The following SH3TC2 variants were observed in gnomAD, a reference collection of about 807,000 sequenced individuals.
The protein encoded by SH3TC2 is SH3 domain and tetratricopeptide repeat-containing protein 2.
In SH3TC2, 87 loss-of-function variants were observed where a neutral mutation model predicts 124.5. That is an observed-to-expected ratio of 0.70 (90% CI 0.59 to 0.84). The LOEUF is 0.84. SH3TC2 is among the 40% of genes least tolerant of loss of function. The pLI is 0.00. For missense variants in SH3TC2, 1,536 were observed against 1,566.4 expected, an observed-to-expected ratio of 0.98 and a Z score of 0.33; for synonymous variants, 634 against 628.5, an observed-to-expected ratio of 1.01 and a Z score of -0.13.
intron 12 of SH3TC2, among the ~76,000 whole-genome samples, chr5:149,020,740 A>G (rs1753954686): frequency 6.6e-6 from 1 of 152,174 alleles, no homozygotes. Context: ...AATAGACTCA[A>G]TCCATCAGAA....
Position 149,007,321 on chromosome 5 carries a change from T to C in SH3TC2, c.3479-244A>G, listed in dbSNP as rs1277902038. 5 of 621,080 alleles carry C rather than the reference T, an allele frequency of 8.1e-6. No individual in the cohort carries two copies. The African/African-American group carries it at 9.2e-5, about 11-fold the overall frequency. The allele number at this position is 621,080 out of a possible 1,614,324, so 38.5% of individuals were successfully genotyped here. On this transcript the variant is annotated intron_variant, in intron 15 of 16. Transcript: ENST00000515425. ...ATGTCATAAATGCTACAAAAGAAAA[T>C]GCAGGGCTCTATAAGAGTGACTAAG... is the stretch of plus-strand genomic sequence containing the variant.
intron 1 of SH3TC2, chr5:149,057,701 T>C (rs1225124155): frequency 6.6e-6 from 1 of 152,220 alleles, no homozygotes; most frequent in Non-Finnish European, 1.5e-5. Flanking sequence ...GCATTTGTTT[T>C]CTAACACTGA....
At position 148,985,594 on chromosome 5, in the gene SH3TC2, G is replaced by C. The variant is rs1207089958; in HGVS notation, c.*19117C>G. 1.3e-5 allele frequency among the ~76,000 whole-genome samples: 2 copies of C among 152,100 alleles called. No individual in the cohort carries two copies. The highest frequency in any genetic ancestry group is 2.9e-5 in the Non-Finnish European group (2 of 67,994). ...CCACTGTATGAATACACCATAGTTT[G>C]TTTATCCATTTCCCAGTTTGAAGAC... On this transcript the variant is annotated 3_prime_UTR_variant, in exon 17 of 17. Coordinates refer to ENST00000515425, the MANE Select transcript of SH3TC2 (RefSeq NM_024577.4).
chr5:148,982,847 C>T lies in SH3TC2; in HGVS notation c.*21864G>A, dbSNP rs1192985084. Among the ~76,000 whole-genome samples, 1 of 152,184 alleles carries T rather than the reference C, an allele frequency of 6.6e-6. No individual in the cohort carries two copies. Among genetic ancestry groups the T allele is most frequent in the Non-Finnish European group, 1.5e-5 (1 of 68,038 alleles). On this transcript the variant is annotated 3_prime_UTR_variant, in exon 17 of 17. Coordinates refer to ENST00000515425, the MANE Select transcript of SH3TC2 (RefSeq NM_024577.4). ...ATTCATTATTTGTTCATATAGATTA[C>T]TTAAAAATACTTTTAAAATAAAAAA... is the stretch of plus-strand genomic sequence containing the variant.
In SH3TC2 at chr5:149,027,258, G is replaced by T. The variant is rs1425641979; in HGVS notation, c.2474C>A (p.Ser825Tyr). 2.5e-6 allele frequency: 4 copies of T among 1,614,152 alleles called. 1 individual carries two copies. Among genetic ancestry groups the T allele is most frequent in the Non-Finnish European group, 3.4e-6 (4 of 1,180,050 alleles). ...ALDVLEPLLC[S>Y]LKETESLTQR... ...AGTGAGACTCTCTGTCTCCTTCAGG[G>T]AGCATAGCAGTGGCTCAAGCACATC... is the stretch of plus-strand genomic sequence containing the variant. The change falls in exon 11 of 17, where the codon TCC becomes TAC. Residue 825 changes from serine to tyrosine, a missense_variant. Physicochemically the swap from Ser to Tyr is moderately radical, Grantham distance 144. This residue lies in a region of SH3TC2 where 1,102 missense variants were observed against 1,098.6 expected (regional missense o/e 1.00). Coordinates refer to ENST00000515425, the MANE Select transcript of SH3TC2 (RefSeq NM_024577.4).
rs1200155787 is a variant in SH3TC2 at position 148,991,721 on chromosome 5, C to T, written c.*12990G>A. On this transcript the variant is annotated 3_prime_UTR_variant, in exon 17 of 17. Transcript: ENST00000515425. ...ACTAATTTCCAGGTAGAATGAGAGG[C>T]TCTTGCAAACTGCTTTTGTAGAAAT... Among the ~76,000 whole-genome samples, 1 of 152,164 alleles carries T rather than the reference C, an allele frequency of 6.6e-6. No individual in the cohort carries two copies. The highest frequency in any genetic ancestry group is 2.1e-4 in the South Asian group (1 of 4,824).
chr5:149,040,557 G>T (rs759843232), intron 7 of SH3TC2, 47 bp downstream of exon 7: 1 of 1,533,346 alleles, frequency 6.5e-7, no homozygotes, highest in South Asian at 1.1e-5. Flanking sequence ...TGAGAGGCAG[G>T]ACAACATTAT....
At chr5:149,021,500 GT>G (rs1753967637) in intron 12 of SH3TC2, among the ~76,000 whole-genome samples, 1 of 151,838 alleles carries the variant, frequency 6.6e-6, no homozygotes, top group Non-Finnish European at 1.5e-5. Context: ...TGTTTAAAAT[GT>G]TTTTTTAATG....
rs1300276040 is a variant in SH3TC2, at chr5:148,986,547, T to A, written c.*18164A>T. ...AGATCTGCCAGGGTAGCAACCTCCA[T>A]CAACTACATTGCTTAGAATGCAGTA... is the stretch of plus-strand genomic sequence containing the variant. On this transcript the variant is annotated 3_prime_UTR_variant, in exon 17 of 17. Coordinates refer to ENST00000515425, the MANE Select transcript of SH3TC2 (RefSeq NM_024577.4). Among the ~76,000 whole-genome samples the A allele has an allele frequency of 1.3e-5, 2 of 152,250 alleles. No homozygotes were observed. Among genetic ancestry groups the A allele is most frequent in the Non-Finnish European group, 2.9e-5 (2 of 68,038 alleles).
intron 4 of SH3TC2, chr5:149,043,690 C>G (rs1192094037): frequency 6.6e-6 from 1 of 150,736 alleles, no homozygotes; most frequent in African/African-American, 2.4e-5. Context: ...GCCAACGAGC[C>G]GGTCTATGGA....
Position 148,985,485 on chromosome 5 carries a change from C to T in SH3TC2, c.*19226G>A, listed in dbSNP as rs114256913. ...TATGTAGCATTTTAAGTCTGACTTC[C>T]TCTAATTAGCATAATGCATTTGATG... On this transcript the variant is annotated 3_prime_UTR_variant, in exon 17 of 17. Coordinates refer to ENST00000515425, the MANE Select transcript of SH3TC2 (RefSeq NM_024577.4). 6.0e-4 allele frequency among the ~76,000 whole-genome samples: 92 copies of T among 152,284 alleles called. No individual in the cohort carries two copies. The highest frequency in any genetic ancestry group is 3.4e-3 in the Middle Eastern group (1 of 294).
rs1482936838 is a variant in SH3TC2 at position 149,041,456 on chromosome 5, G to C, written c.691C>G (p.Leu231Val). The change falls in exon 6 of 17, where the codon CTG becomes GTG. Residue 231 changes from leucine (L) to valine (V), a missense_variant. By Grantham distance (32) the Leu-to-Val change is conservative (BLOSUM62 1). This residue lies in a region of SH3TC2 where 1,102 missense variants were observed against 1,098.6 expected (regional missense o/e 1.00). Coordinates refer to ENST00000515425, the MANE Select transcript of SH3TC2 (RefSeq NM_024577.4). The stretch of plus-strand genomic sequence containing the variant: ...GGCAGAGGCTCCAAGGCTGACACCA[G>C]TACCAGGCCCCGCTGACCTGTCACC... ...SLVTGQRGLV[L>V]VSALEPLPLP... 1.9e-6 allele frequency: 3 copies of C among 1,613,634 alleles called. No individual in the cohort carries two copies. The highest frequency in any genetic ancestry group is 2.5e-6 in the Non-Finnish European group (3 of 1,180,030).
chr5:148,983,924 C>T lies in SH3TC2; in HGVS notation c.*20787G>A, dbSNP rs76578570. 5.9e-5 allele frequency among the ~76,000 whole-genome samples: 9 copies of T among 152,330 alleles called. No individual in the cohort carries two copies. The East Asian group carries it at 1.7e-3, about 29-fold the overall frequency. ...AAGAGATGGTGACATCTTTGAGGTA[C>T]TATCAACCTGCTCCTGGAACCAGTG... On this transcript the variant is annotated 3_prime_UTR_variant, in exon 17 of 17. Transcript: ENST00000515425.
rs1284752808 is a variant in SH3TC2, at chr5:148,985,144, T to TG, written c.*19566dup. On this transcript the variant is annotated 3_prime_UTR_variant, in exon 17 of 17. Coordinates refer to ENST00000515425, the MANE Select transcript of SH3TC2 (RefSeq NM_024577.4). ...ACTGAATAAGAATGAGCTACTTTTC[T>TG]GGAAAAAAAAAAAACTATTCACTCA... Among the ~76,000 whole-genome samples the TG allele has an allele frequency of 1.5e-5, 1 of 66,794 alleles. No homozygotes were observed. Among genetic ancestry groups the TG allele is most frequent in the Non-Finnish European group, 3.6e-5 (1 of 27,918 alleles). 43.8% of individuals were successfully genotyped at this position (66,794 alleles called of 152,430 possible). A position where few individuals can be genotyped will look rare whatever the true frequency, so the allele number is the denominator to read the frequency against.
At chr5:149,049,227 C>T (rs36083) in intron 2 of SH3TC2, among the ~76,000 whole-genome samples, 41,780 of 152,066 alleles carry the variant, frequency 0.27, 6,266 homozygotes, top group African/African-American at 0.37. Flanking sequence ...CAATCTCATG[C>T]AACCCCTTTC....
rs1457065670 is a variant in SH3TC2, at chr5:148,989,060, T to C, written c.*15651A>G. Among the ~76,000 whole-genome samples the C allele has an allele frequency of 6.6e-6, 1 of 152,088 alleles. No homozygotes were observed. Among genetic ancestry groups the C allele is most frequent in the Non-Finnish European group, 1.5e-5 (1 of 68,014 alleles). On this transcript the variant is annotated 3_prime_UTR_variant, in exon 17 of 17. Transcript: ENST00000515425. The stretch of plus-strand genomic sequence containing the variant: ...AACACACACAACACACACAAAACAA[T>C]GTCTTGGATTGTGGAAGAATTTGCT...
At chr5:149,062,206 C>A (rs546712871) in intron 1 of SH3TC2, 1 of 409,074 alleles carries the variant, frequency 2.4e-6, no homozygotes, top group Non-Finnish European at 4.9e-6. Context: ...AGCCTCCCCC[C>A]ACCAATCTAA....
Position 149,027,474 on chromosome 5 carries a change from C to T in SH3TC2, c.2258G>A (p.Arg753Gln), listed in dbSNP as rs755570739. 41 of 1,614,024 alleles carry T rather than the reference C, an allele frequency of 2.5e-5. No individual in the cohort carries two copies. The highest frequency in any genetic ancestry group is 1.8e-4 in the Admixed American group (11 of 60,010). The change falls in exon 11 of 17, where the codon CGG becomes CAG. Residue 753 changes from arginine to glutamine, a missense_variant. Around this residue, in one of 3 missense-constraint regions of SH3TC2, gnomAD observed 1,102 missense variants for 1,098.6 expected, o/e 1.00. Transcript: ENST00000515425. ...GAGACACAGGGCCCTCTGGGTGCTC[C>T]GGTCTGCTAGTTCCTCACAGGCAGC... ...ALAACEELAD[R>Q]STQRALCLIL...
intron 14 of SH3TC2, among the ~76,000 whole-genome samples, 184 bp from the exon 15 acceptor site, chr5:149,009,185 G>GT (rs1753742036): frequency 6.6e-6 from 1 of 152,182 alleles, no homozygotes; most frequent in South Asian, 2.1e-4. Context: ...TGCTCATGAT[G>GT]TTTTGCCCAG....
Sources: gnomAD v4.1 joint callset for allele counts (sites outside exome capture counted in the v4.1 genomes callset) on GRCh38, gnomAD v4.1.1 for gene constraint, gnomAD v4.1.1 regional missense constraint, MANE v1.5 for transcripts, NCBI Gene and HGNC (gene_info 2026-07-23, HGNC 2026-07-21) for gene names.